SLFN12: variants seen among roughly 807,000 people sequenced by gnomAD.
SLFN12 encodes schlafen family member 12.
In SLFN12, 25 loss-of-function variants were observed where a neutral mutation model predicts 29.1. The ratio of observed to expected loss-of-function variants is 0.86; its 90% CI spans 0.63 to 1.20. SLFN12 has a LOEUF of 1.20. SLFN12 is among the 50% of genes most tolerant of loss of function. The pLI, the probability that SLFN12 is intolerant of heterozygous loss-of-function variation, is 0.00. For synonymous variants in SLFN12, 257 were observed against 238.7 expected, an observed-to-expected ratio of 1.08 and a Z score of -0.71; for missense variants, 660 against 666.2, an observed-to-expected ratio of 0.99 and a Z score of 0.10.
At chr17:35,414,891 C>A (rs959706147) in intron 3 of SLFN12, among the ~76,000 whole-genome samples, 2 of 152,056 alleles carry the variant, frequency 1.3e-5, no homozygotes, top group African/African-American at 4.8e-5. Flanking sequence ...GGAAACACAT[C>A]CCATGTTCAT....
At chr17:35,414,577 A>G (rs1364117143) in intron 3 of SLFN12, among the ~76,000 whole-genome samples, 1 of 152,078 alleles carries the variant, frequency 6.6e-6, no homozygotes, top group African/African-American at 2.4e-5. Flanking sequence ...CAAAATTCCC[A>G]TGTCATTTTT....
chr17:35,414,494 T>C (rs890551239), intron 3 of SLFN12, among the ~76,000 whole-genome samples: 1 of 152,176 alleles, frequency 6.6e-6, no homozygotes, highest in East Asian at 1.9e-4. Context: ...CTTGTGTTCA[T>C]GGATTGAAAA....
intron 1 of SLFN12, among the ~76,000 whole-genome samples, chr17:35,427,104 T>C (rs1912060235): frequency 1.3e-5 from 2 of 152,146 alleles, no homozygotes; most frequent in South Asian, 4.1e-4. Flanking sequence ...TAAGTTTTAC[T>C]ATGCCCCACC....
At chr17:35,426,095 C>G (rs1912007606) in intron 1 of SLFN12, among the ~76,000 whole-genome samples, 1 of 151,202 alleles carries the variant, frequency 6.6e-6, no homozygotes, top group Non-Finnish European at 1.5e-5. Flanking sequence ...AGAATGTCTT[C>G]TCTTGAGAAA....
intron 1 of SLFN12, among the ~76,000 whole-genome samples, chr17:35,425,004 C>T (rs1320767142): frequency 1.3e-5 from 2 of 152,070 alleles, no homozygotes; most frequent in Non-Finnish European, 2.9e-5. Flanking sequence ...TTCAAGAATA[C>T]AGGCCCAGCA....
At chr17:35,414,566 T>C (rs1911212635) in intron 3 of SLFN12, among the ~76,000 whole-genome samples, 1 of 152,036 alleles carries the variant, frequency 6.6e-6, no homozygotes, top group Middle Eastern at 3.4e-3. Flanking sequence ...GAAAACCCTA[T>C]CAAAATTCCC....
At chr17:35,430,706 G>T (rs558314157) in intron 1 of SLFN12, 3 of 152,134 alleles carry the variant, frequency 2.0e-5, no homozygotes, top group African/African-American at 7.2e-5. Flanking sequence ...CTTGCCCAGG[G>T]TTCCCATAAA....
At position 35,411,533 on chromosome 17, in the gene SLFN12, C is replaced by A. The variant is rs150878441; in HGVS notation, c.1542G>T (p.Ser514=). Residue 514 remains serine, a synonymous_variant, in exon 4 of 4, where the codon TCG becomes TCT. Coordinates refer to ENST00000304905, the MANE Select transcript of SLFN12 (RefSeq NM_018042.5). Reference sequence around the variant, plus strand: ...AGTAGGATTCAGGGTAAATTACTTGCGACCTTAAATCATACTGGCAGCTTG... The same window carrying A: ...AGTAGGATTCAGGGTAAATTACTTGAGACCTTAAATCATACTGGCAGCTTG... ...GMTSCQYDLR[S]QVIYPESYYF... The A allele has an allele frequency of 5.0e-6, 8 of 1,614,000 alleles. No individual in the cohort carries two copies. The highest frequency in any genetic ancestry group is 6.8e-6 in the Non-Finnish European group (8 of 1,179,990).
In SLFN12 at chr17:35,422,267, C is replaced by A. The variant is rs752644374; in HGVS notation, c.762G>T (p.Met254Ile). ...CTCTTTCTAAGTCATCGAGGTCACT[C>A]ATCTCTGCTTTAAAGCCAATTATTT... ...DKEIIGFKAE[M>I]SDLDDLEREI... The change falls in exon 2 of 4, where the codon ATG (methionine) becomes ATT (isoleucine). Residue 254 changes from methionine to isoleucine, a missense_variant. Met to Ile is a conservative substitution (Grantham distance 10, BLOSUM62 1). Transcript: ENST00000304905. The A allele has an allele frequency of 6.2e-7, 1 of 1,613,986 alleles. No individual in the cohort carries two copies. Among genetic ancestry groups the A allele is most frequent in the Non-Finnish European group, 8.5e-7 (1 of 1,180,008 alleles).
intron 1 of SLFN12, among the ~76,000 whole-genome samples, chr17:35,426,248 C>A (rs1251585851): frequency 1.3e-5 from 2 of 151,444 alleles, no homozygotes; most frequent in Non-Finnish European, 2.9e-5. Context: ...GTAGCCTATT[C>A]TTTTACTCTG....
chr17:35,411,727 C>T lies in SLFN12; in HGVS notation c.1348G>A (p.Asp450Asn), dbSNP rs139495555. Residue 450 changes from aspartate (D) to asparagine (N), a missense_variant, in exon 4 of 4, where the codon GAC (aspartate) becomes AAC (asparagine). Asp to Asn is a conservative substitution (Grantham distance 23). Transcript: ENST00000304905. ...AAGGTGTATAGGACTGGAGGACTGT[C>T]CTGGGAAATCAGAAGAGCATCACAG... ...VLCDALLISQDSPPVLYTFHM... is the reference protein window; with the variant it reads ...VLCDALLISQNSPPVLYTFHM... The T allele has an allele frequency of 6.2e-7, 1 of 1,613,352 alleles. No homozygotes were observed. Among genetic ancestry groups the T allele is most frequent in the East Asian group, 2.2e-5 (1 of 44,868 alleles).
At chr17:35,414,407 A>T (rs934457374) in intron 3 of SLFN12, among the ~76,000 whole-genome samples, 3 of 152,098 alleles carry the variant, frequency 2.0e-5, no homozygotes, top group Admixed American at 1.3e-4. Flanking sequence ...TATCAAGGAG[A>T]TGAAAGATTT....
rs368440867 is a variant in SLFN12 at position 35,411,718 on chromosome 17, G to C, written c.1357C>G (p.Pro453Ala). The change falls in exon 4 of 4, where the codon CCA becomes GCA. Residue 453 changes from proline (P) to alanine (A), a missense_variant. Pro to Ala is a conservative substitution (Grantham distance 27). Coordinates refer to ENST00000304905, the MANE Select transcript of SLFN12 (RefSeq NM_018042.5). Reference protein sequence around the residue: ...DALLISQDSPPVLYTFHMVQD... With the variant: ...DALLISQDSPAVLYTFHMVQD... ...ACCATGTGGAAGGTGTATAGGACTGGAGGACTGTCCTGGGAAATCAGAAGA... is the reference window on the plus strand; with the variant it reads ...ACCATGTGGAAGGTGTATAGGACTGCAGGACTGTCCTGGGAAATCAGAAGA... 1 of 1,613,892 alleles carries C rather than the reference G, an allele frequency of 6.2e-7. No individual in the cohort carries two copies. Among genetic ancestry groups the C allele is most frequent in the African/African-American group, 1.3e-5 (1 of 74,908 alleles).
At chr17:35,421,914 G>GC in intron 2 of SLFN12, 76 bp downstream of exon 2, 1 of 1,525,080 alleles carries the variant, frequency 6.6e-7, no homozygotes, top group Non-Finnish European at 8.8e-7. Context: ...TATTGATCTT[G>GC]CCCCAGATCC....
At chr17:35,429,759 G>T (rs1912204356) in intron 1 of SLFN12, among the ~76,000 whole-genome samples, 1 of 151,974 alleles carries the variant, frequency 6.6e-6, no homozygotes, top group Non-Finnish European at 1.5e-5. Flanking sequence ...TTTAGTTCAG[G>T]ACAGCACTGC....
intron 1 of SLFN12, among the ~76,000 whole-genome samples, chr17:35,425,864 T>TTTTTTTTTTTTC (rs1555611844): frequency 7.3e-6 from 1 of 136,212 alleles, no homozygotes; most frequent in Non-Finnish European, 1.6e-5. Context: ...TTTTTTTTTT[T>TTTTTTTTTTTTC]CAGAAACCTC....
At chr17:35,420,986 T>C (rs1191415926) in intron 2 of SLFN12, among the ~76,000 whole-genome samples, 1 of 151,860 alleles carries the variant, frequency 6.6e-6, no homozygotes, top group Non-Finnish European at 1.5e-5. Context: ...GGCGGGTGAA[T>C]TGCCTGAGGT....
At chr17:35,426,609 A>T (rs938810591) in intron 1 of SLFN12, among the ~76,000 whole-genome samples, 5 of 152,096 alleles carry the variant, frequency 3.3e-5, no homozygotes, top group African/African-American at 1.2e-4. Context: ...CTTCTTTTGA[A>T]TAGGTCATAT....
rs1462152005 is a variant in SLFN12 at position 35,411,663 on chromosome 17, G to A, written c.1412C>T (p.Thr471Ile). Reference protein sequence around the residue: ...VQDEEFKGYSTQTALTLKQKL... With the variant: ...VQDEEFKGYSIQTALTLKQKL... ...CTGCTTTAAGGTTAGGGCAGTTTGT[G>A]TAGAATAGCCTTTAAACTCCTCATC... Residue 471 changes from threonine (T) to isoleucine (I), a missense_variant, in exon 4 of 4, where the codon ACA becomes ATA. Coordinates refer to ENST00000304905, the MANE Select transcript of SLFN12 (RefSeq NM_018042.5). 6.2e-7 allele frequency: 1 copy of A among 1,614,024 alleles called. No individual in the cohort carries two copies. The highest frequency in any genetic ancestry group is 1.1e-5 in the South Asian group (1 of 91,082).
Sources: allele counts gnomAD v4.1 joint callset (sites outside exome capture counted in the v4.1 genomes callset), GRCh38; gene constraint gnomAD v4.1.1; transcripts MANE v1.5; gene names NCBI Gene and HGNC (gene_info 2026-07-23, HGNC 2026-07-21).